Variants in KCTD10 observed in about 807,000 individuals in gnomAD.
KCTD10 encodes potassium channel tetramerization domain containing 10.
A neutral mutation model predicts 34.6 loss-of-function variants in KCTD10; 13 were observed. The ratio of observed to expected loss-of-function variants is 0.38; its 90% confidence interval spans 0.24 to 0.60. The LOEUF (loss-of-function observed/expected upper bound fraction) is 0.60, where lower values mean the gene tolerates loss of function less well. Ranked by LOEUF, KCTD10 falls within the 20% of genes least tolerant of loss-of-function variation. The probability of loss-of-function intolerance (pLI) is 0.66; values close to 1 mark genes in which losing one functional copy is unlikely to be tolerated. For missense variants in KCTD10, 256 were observed against 420.3 expected, an observed-to-expected ratio of 0.61 and a Z score of 3.42; for synonymous variants, 156 against 168.8, an observed-to-expected ratio of 0.92 and a Z score of 0.59.
intron 2 of KCTD10, 133 bp downstream of exon 2, chr12:109,469,382 A>AGTGT: frequency 1.9e-6 from 2 of 1,029,998 alleles, no homozygotes; most frequent in Admixed American, 2.6e-5. Flanking sequence ...CGACCAAGTC[A>AGTGT]AGATGGTGGG....
chr12:109,470,464 A>T, intron 1 of KCTD10: 1 of 985,534 alleles, frequency 1.0e-6, no homozygotes. Context: ...AGAAATGGAT[A>T]CAGTGGCTGA....
At chr12:109,454,309 C>T (rs997821501) in intron 6 of KCTD10, among the ~76,000 whole-genome samples, 9 of 152,216 alleles carry the variant, frequency 5.9e-5, no homozygotes, top group Non-Finnish European at 1.2e-4. Flanking sequence ...CATAGGGAGT[C>T]TCAGCAAGGA....
intron 6 of KCTD10, among the ~76,000 whole-genome samples, chr12:109,454,658 G>C (rs1167732719): frequency 6.6e-6 from 1 of 152,220 alleles, no homozygotes; most frequent in African/African-American, 2.4e-5. Context: ...GAGCCCAGGA[G>C]TTCAAGGCTG....
Position 109,460,579 on chromosome 12 carries a change from G to T in KCTD10, c.387+57C>A, listed in dbSNP as rs1291113733. 7 of 1,538,904 alleles carry T rather than the reference G, an allele frequency of 4.5e-6. No homozygotes were observed. Among genetic ancestry groups the T allele is most frequent in the Non-Finnish European group, 6.2e-6 (7 of 1,129,366 alleles). ...CCATTTTGCAGAGAGGGAAAATGAGGAAGGCAGGTAGGCTTGGTGCCTCTC... is the reference window on the plus strand; with the variant it reads ...CCATTTTGCAGAGAGGGAAAATGAGTAAGGCAGGTAGGCTTGGTGCCTCTC... On this transcript the variant is annotated intron_variant, in intron 3 of 6. Transcript: ENST00000228495. This position sits in a 1 kb window ranked among gnomAD's most constrained non-coding sequence, Gnocchi z 4.5.
At chr12:109,459,545 T>C (rs1185961470) in intron 3 of KCTD10, 1 of 152,278 alleles carries the variant, frequency 6.6e-6, no homozygotes, top group Non-Finnish European at 1.5e-5. Context: ...CTGTACACTC[T>C]GTGGCTTAAC....
In KCTD10 at chr12:109,451,649, G is replaced by A. The variant is rs747021710; in HGVS notation, c.888C>T (p.Arg296=). The change falls in exon 7 of 7, where the codon CGC becomes CGT. Residue 296 remains arginine, a synonymous_variant. Coordinates refer to ENST00000228495, the MANE Select transcript of KCTD10 (RefSeq NM_031954.5). The surrounding 1 kb of genome is among the most constrained non-coding windows in gnomAD (Gnocchi z 5.0). The part of the protein sequence containing the change: ...DEDEERERIE[R]VRRIHIKRPD... ...GGCGCTTGATGTGGATCCTCCGCAC[G>A]CGCTCGATCCGCTCCCGCTCCTCGT... 3.5e-5 allele frequency: 56 copies of A among 1,612,790 alleles called. No homozygotes were observed. Among genetic ancestry groups the A allele is most frequent in the Admixed American group, 5.0e-5 (3 of 60,000 alleles).
rs1026981613 is a variant in KCTD10, at chr12:109,450,692, G to A, written c.*903C>T. 1.7e-5 allele frequency: 4 copies of A among 239,852 alleles called. No individual in the cohort carries two copies. The highest frequency in any genetic ancestry group is 7.7e-5 in the East Asian group (1 of 13,002). 14.9% of individuals were successfully genotyped at this position (239,852 alleles called of 1,614,324 possible). Reference sequence around the variant, plus strand: ...ATGGGGAAGGAGGCTGAAGAGGAGCGGGATCCCAGGGAGGGGTAGTTTATG... The same window carrying A: ...ATGGGGAAGGAGGCTGAAGAGGAGCAGGATCCCAGGGAGGGGTAGTTTATG... On this transcript the variant is annotated 3_prime_UTR_variant, in exon 7 of 7. Coordinates refer to ENST00000228495, the MANE Select transcript of KCTD10 (RefSeq NM_031954.5).
rs575964340 is a variant in KCTD10 at position 109,473,864 on chromosome 12, G to A, written c.3+3396C>T. Among the ~76,000 whole-genome samples the A allele has an allele frequency of 9.3e-5, 14 of 150,374 alleles. No homozygotes were observed. In the East Asian group the frequency reaches 2.0e-3, roughly 21 times the overall value. ...CGGCACGATCTCAGCTCACCGCAAC[G>A]TCTGCCTCCCAGGTTCAAGCAATTC... On this transcript the variant is annotated intron_variant, in intron 1 of 6. Coordinates refer to ENST00000228495, the MANE Select transcript of KCTD10 (RefSeq NM_031954.5).
Position 109,458,086 on chromosome 12 carries a change from A to T in KCTD10, c.388-8T>A, listed in dbSNP as rs1222347857. The T allele has an allele frequency of 6.2e-7, 1 of 1,612,524 alleles. No individual in the cohort carries two copies. The highest frequency in any genetic ancestry group is 2.2e-5 in the East Asian group (1 of 44,868). On this transcript the variant is annotated splice_polypyrimidine_tract_variant and splice_region_variant and intron_variant, in intron 3 of 6. Transcript: ENST00000228495. ...CTCATAAGTATCTTTGTTCTGCTGG[A>T]ACAAAACATGCTTTCAGCCTAGGAG...
intron 2 of KCTD10, among the ~76,000 whole-genome samples, chr12:109,462,699 G>A (rs1439074908): frequency 2.0e-5 from 3 of 152,194 alleles, no homozygotes; most frequent in African/African-American, 2.4e-5. Context: ...GAGTGGCCAG[G>A]CAGGAATGTG....
chr12:109,464,453 C>CA (rs1487586047), intron 2 of KCTD10, among the ~76,000 whole-genome samples: 12 of 152,080 alleles, frequency 7.9e-5, no homozygotes, highest in Non-Finnish European at 8.8e-5. Flanking sequence ...CTAAATATCC[C>CA]AAAAAATCAC....
At position 109,451,373 on chromosome 12, in the gene KCTD10, G is replaced by A; in HGVS notation, c.*222C>T. On this transcript the variant is annotated 3_prime_UTR_variant, in exon 7 of 7. Coordinates refer to ENST00000228495, the MANE Select transcript of KCTD10 (RefSeq NM_031954.5). This position sits in a 1 kb window ranked among gnomAD's most constrained non-coding sequence, Gnocchi z 5.0. ...GAGTCTCAGATTCTCATGAAAAGTA[G>A]AGATCTTAGACACAGCTTGTTCAAC... is the stretch of plus-strand genomic sequence containing the variant. 2.0e-6 allele frequency: 1 copy of A among 501,400 alleles called. No homozygotes were observed. The allele number at this position is 501,400 out of a possible 1,614,324, so 31.1% of individuals were successfully genotyped here.
chr12:109,468,249 A>G (rs565717940), intron 2 of KCTD10, among the ~76,000 whole-genome samples: 9 of 152,282 alleles, frequency 5.9e-5, no homozygotes, highest in African/African-American at 2.2e-4. Flanking sequence ...GGCCTTCCCC[A>G]GGACACAGAG....
intron 5 of KCTD10, chr12:109,456,837 C>T: frequency 6.1e-6 from 1 of 163,330 alleles, no homozygotes; most frequent in Non-Finnish European, 1.3e-5. Flanking sequence ...TAAAATGGTG[C>T]AGCCACTTTA....
rs879614390 is a variant in KCTD10 at position 109,450,216 on chromosome 12, C to T, written c.*1379G>A. The T allele has an allele frequency of 5.0e-6, 2 of 398,610 alleles. No homozygotes were observed. Among genetic ancestry groups the T allele is most frequent in the African/African-American group, 2.1e-5 (1 of 48,746 alleles). The allele number at this position is 398,610 out of a possible 1,614,324, so 24.7% of individuals were successfully genotyped here. A position where few individuals can be genotyped will look rare whatever the true frequency, so the allele number is the denominator to read the frequency against. ...ACATTCACATCTCCTGGTAACTACT[C>T]TACCTAGTCTAGTCTCAACCACCCC... On this transcript the variant is annotated 3_prime_UTR_variant, in exon 7 of 7. Transcript: ENST00000228495.
At chr12:109,473,459 G>A (rs1873993113) in intron 1 of KCTD10, among the ~76,000 whole-genome samples, 1 of 152,118 alleles carries the variant, frequency 6.6e-6, no homozygotes, top group Non-Finnish European at 1.5e-5. Flanking sequence ...TGCTCCCGAA[G>A]TCTCAAACTA....
intron 6 of KCTD10, among the ~76,000 whole-genome samples, chr12:109,452,635 G>A (rs1427010880): frequency 1.3e-5 from 2 of 152,212 alleles, no homozygotes; most frequent in Non-Finnish European, 2.9e-5. Flanking sequence ...TGTGGACTCA[G>A]AAGTAAATCA....
chr12:109,468,653 CTT>C (rs34623703), intron 2 of KCTD10, among the ~76,000 whole-genome samples: 10 of 132,408 alleles, frequency 7.6e-5, no homozygotes, highest in Non-Finnish European at 8.0e-5. Context: ...AATTCTTTGC[CTT>C]TTTTTTTTTT....
chr12:109,450,116 A>T lies in KCTD10; in HGVS notation c.*1479T>A, dbSNP rs1308505884. On this transcript the variant is annotated 3_prime_UTR_variant, in exon 7 of 7. Transcript: ENST00000228495. Reference sequence around the variant, plus strand: ...AACTCGTTTTTGGAATACATGTGTCAAAGGCTGCCCATGTTAATACCTTTG... The same window carrying T: ...AACTCGTTTTTGGAATACATGTGTCTAAGGCTGCCCATGTTAATACCTTTG... The T allele has an allele frequency of 7.6e-6, 3 of 397,174 alleles. No individual in the cohort carries two copies. Among genetic ancestry groups the T allele is most frequent in the Non-Finnish European group, 1.3e-5 (3 of 225,708 alleles). 24.6% of individuals were successfully genotyped at this position (397,174 alleles called of 1,614,324 possible). A position where few individuals can be genotyped will look rare whatever the true frequency, so the allele number is the denominator to read the frequency against.
Sources: gnomAD v4.1 joint callset for allele counts (sites outside exome capture counted in the v4.1 genomes callset) on GRCh38, gnomAD v4.1.1 for gene constraint, Gnocchi (gnomAD v3.1) non-coding constraint, MANE v1.5 for transcripts, NCBI Gene and HGNC (gene_info 2026-07-23, HGNC 2026-07-21) for gene names.